The following ZNF454 variants were observed in gnomAD, a reference collection of about 807,000 sequenced individuals.
ZNF454 encodes the protein zinc finger protein 454.
In ZNF454, 30 loss-of-function variants were observed where a neutral mutation model predicts 48.2. The ratio of observed to expected loss-of-function variants is 0.62; its 90% CI spans 0.47 to 0.84. The LOEUF is 0.84. Ranked by LOEUF, ZNF454 falls within the 40% of genes least tolerant of loss-of-function variation. The probability of loss-of-function intolerance (pLI) is 0.00; values close to 1 mark genes in which losing one functional copy is unlikely to be tolerated. For missense variants in ZNF454, 510 were observed against 623.1 expected (o/e 0.82, Z 1.93); for synonymous variants, 204 against 211.4 (o/e 0.97, Z 0.30).
Position 178,965,089 on chromosome 5 carries a change from A to T in ZNF454, c.685A>T (p.Thr229Ser). The T allele has an allele frequency of 6.2e-7, 1 of 1,614,094 alleles. No individual in the cohort carries two copies. Among genetic ancestry groups the T allele is most frequent in the Non-Finnish European group, 8.5e-7 (1 of 1,180,022 alleles). ...RECGKAFHQS[T>S]HLIHHQRIHT... Reference sequence around the variant, plus strand: ...ATGTGGGAAAGCCTTTCACCAGAGTACGCACCTTATCCATCACCAAAGAAT... The same window carrying T: ...ATGTGGGAAAGCCTTTCACCAGAGTTCGCACCTTATCCATCACCAAAGAAT... The change falls in exon 5 of 5, where the codon ACG becomes TCG. Residue 229 changes from threonine to serine, a missense_variant. Around this residue, in one of 3 missense-constraint regions of ZNF454, gnomAD observed 354 missense variants for 408.9 expected, o/e 0.87. Transcript: ENST00000519564. This position sits in a 1 kb window ranked among gnomAD's most constrained non-coding sequence, Gnocchi z 5.2.
chr5:178,972,297 T>C, the ZNF454 span, among the ~76,000 whole-genome samples: 1 of 152,252 alleles, frequency 6.6e-6, no homozygotes, highest in Non-Finnish European at 1.5e-5. Flanking sequence ...ATTTTATGAC[T>C]ATACAACATT....
At chr5:178,975,350 T>C in the ZNF454 span, among the ~76,000 whole-genome samples, 1 of 152,198 alleles carries the variant, frequency 6.6e-6, no homozygotes. Context: ...CTCCAGTGAA[T>C]GAATGTGACC....
At chr5:178,969,776 C>G (rs1441901246), downstream of ZNF454, 4 of 391,098 alleles carry the variant, frequency 1.0e-5, no homozygotes, top group African/African-American at 2.1e-5. Flanking sequence ...CTCCACTCTG[C>G]CCAGTTTGAG....
the ZNF454 span, chr5:178,982,826 C>T: frequency 0.071 from 68,371 of 969,638 alleles, 3,120 homozygotes; most frequent in African/African-American, 0.19. Flanking sequence ...AACAAAAGCA[C>T]GAACAAGCAT....
chr5:178,988,553 C>T, the ZNF454 span, among the ~76,000 whole-genome samples: 5 of 152,144 alleles, frequency 3.3e-5, no homozygotes, highest in Non-Finnish European at 5.9e-5. The surrounding 1 kb of genome is among the most constrained non-coding windows in gnomAD (Gnocchi z 6.0). Flanking sequence ...TCAGAGTGGG[C>T]GGCATGTCCC....
At chr5:178,983,520 T>C in the ZNF454 span, 4 of 600,342 alleles carry the variant, frequency 6.7e-6, no homozygotes, top group South Asian at 6.2e-5. Flanking sequence ...CAGCTTGGTG[T>C]CCTCTTCCTG....
At chr5:178,973,518 A>C in the ZNF454 span, among the ~76,000 whole-genome samples, 2 of 152,144 alleles carry the variant, frequency 1.3e-5, no homozygotes. Flanking sequence ...TTTATCCTCC[A>C]GTTTTTAGTG....
At chr5:178,989,826 G>A in the ZNF454 span, 160,385 of 308,836 alleles carry the variant, frequency 0.52, 42,544 homozygotes, top group East Asian at 0.58. Context: ...AAGACCCAAG[G>A]CAACCACAGG....
At chr5:178,964,583 G>A (rs933369315) in intron 4 of ZNF454, 72 bp from the exon 5 acceptor site, 1 of 1,136,990 alleles carries the variant, frequency 8.8e-7, no homozygotes. Flanking sequence ...ATTATGAAGA[G>A]GCTCGTCATC....
At position 178,946,448 on chromosome 5, in the gene ZNF454, C is replaced by T. The variant is rs1425773189; in HGVS notation, c.123C>T (p.Asp41=). The T allele has an allele frequency of 7.5e-6, 12 of 1,605,864 alleles. No homozygotes were observed. Among genetic ancestry groups the T allele is most frequent in the Non-Finnish European group, 8.5e-6 (10 of 1,177,996 alleles). The change falls in exon 3 of 5, where the codon GAC becomes GAT. Residue 41 remains aspartate (D), a synonymous_variant. Coordinates refer to ENST00000519564, the MANE Select transcript of ZNF454 (RefSeq NM_001178089.3). The surrounding 1 kb of genome is among the most constrained non-coding windows in gnomAD (Gnocchi z 4.5). ...LSPAQRALYR[D]VMLENYSNLV... ...CCGCCCAGAGGGCCCTGTACAGGGACGTGATGCTGGAGAACTACAGCAACC... is the reference window on the plus strand; with the variant it reads ...CCGCCCAGAGGGCCCTGTACAGGGATGTGATGCTGGAGAACTACAGCAACC...
chr5:178,951,153 C>T (rs1012878046), intron 4 of ZNF454, among the ~76,000 whole-genome samples: 3 of 152,076 alleles, frequency 2.0e-5, no homozygotes, highest in Admixed American at 6.6e-5. Context: ...CCACTGCACC[C>T]GGCCTTAAAG....
At chr5:178,971,237 C>G (rs937703020), downstream of ZNF454, among the ~76,000 whole-genome samples, 14 of 152,170 alleles carry the variant, frequency 9.2e-5, no homozygotes, top group African/African-American at 1.4e-4. Flanking sequence ...GTGGGCGAGG[C>G]ACCTGAGTGT....
chr5:178,946,390 T>C lies in ZNF454; in HGVS notation c.65T>C (p.Leu22Pro), dbSNP rs1759335621. Residue 22 changes from leucine to proline, a missense_variant, in exon 3 of 5, where the codon CTG becomes CCG. Around this residue, in one of 3 missense-constraint regions of ZNF454, gnomAD observed 354 missense variants for 408.9 expected, o/e 0.87. Coordinates refer to ENST00000519564, the MANE Select transcript of ZNF454 (RefSeq NM_001178089.3). This position sits in a 1 kb window ranked among gnomAD's most constrained non-coding sequence, Gnocchi z 4.5. ...ESVTFKDVAI[L>P]FTQEEWGQLS... is the part of the protein sequence containing the mutation. ...GTGACCTTCAAGGATGTGGCTATAC[T>C]GTTCACCCAGGAAGAGTGGGGGCAG... The C allele has an allele frequency of 6.2e-7, 1 of 1,613,076 alleles. No individual in the cohort carries two copies.
chr5:178,965,795 G>A lies in ZNF454; in HGVS notation c.1391G>A (p.Arg464Lys). ...ACCCAACATAAGAGAATTCATACTA[G>A]GGAAAAACCTTACAAATGTAAAATC... The part of the protein sequence containing the change: ...ALTQHKRIHT[R>K]EKPYKCKICE... Residue 464 changes from arginine to lysine, a missense_variant, in exon 5 of 5, where the codon AGG becomes AAG. Arg to Lys is a conservative substitution (Grantham distance 26). Around this residue, in one of 3 missense-constraint regions of ZNF454, gnomAD observed 153 missense variants for 195.8 expected, o/e 0.78. Coordinates refer to ENST00000519564, the MANE Select transcript of ZNF454 (RefSeq NM_001178089.3). The surrounding 1 kb of genome is among the most constrained non-coding windows in gnomAD (Gnocchi z 5.2). 6.2e-7 allele frequency: 1 copy of A among 1,614,036 alleles called. No individual in the cohort carries two copies. The highest frequency in any genetic ancestry group is 1.1e-5 in the South Asian group (1 of 91,082).
chr5:178,986,547 C>G, the ZNF454 span: 29 of 1,607,692 alleles, frequency 1.8e-5, no homozygotes, highest in Admixed American at 3.3e-5. Flanking sequence ...GGCGGCAGCC[C>G]GTGTGGTTGG....
the ZNF454 span, chr5:178,985,718 A>AAAC: frequency 5.2e-4 from 220 of 421,006 alleles, no homozygotes; most frequent in African/African-American, 4.3e-3. Flanking sequence ...AAAAAAACAA[A>AAAC]ACAACACAGG....
intron 4 of ZNF454, among the ~76,000 whole-genome samples, chr5:178,950,016 T>G (rs1369701000): frequency 6.6e-6 from 1 of 152,132 alleles, no homozygotes; most frequent in African/African-American, 2.4e-5. Flanking sequence ...ATTGTTGCAC[T>G]AATTAGTCAT....
intron 4 of ZNF454, among the ~76,000 whole-genome samples, chr5:178,954,047 T>A (rs1759654552): frequency 6.6e-6 from 1 of 152,080 alleles, no homozygotes; most frequent in Non-Finnish European, 1.5e-5. Context: ...TCACTTGAAG[T>A]CAGAAGTTCG....
chr5:178,967,746 T>TTC (rs1554112143), downstream of ZNF454, among the ~76,000 whole-genome samples: 46,823 of 134,648 alleles, frequency 0.35, 7,740 homozygotes, highest in East Asian at 0.41. Flanking sequence ...CTTTTTCTTT[T>TTC]TTTTTTTTTT....
Sources: allele counts gnomAD v4.1 joint callset (sites outside exome capture counted in the v4.1 genomes callset), GRCh38; gene constraint gnomAD v4.1.1; regional missense constraint gnomAD v4.1.1; non-coding constraint Gnocchi (gnomAD v3.1); transcripts MANE v1.5; gene names NCBI Gene and HGNC (gene_info 2026-07-23, HGNC 2026-07-21).